Variants in DEPDC5 observed in about 807,000 individuals in gnomAD.
The protein encoded by DEPDC5 is DEP domain containing 5, GATOR1 subcomplex subunit.
Under a neutral mutation model 217.3 loss-of-function variants are expected in DEPDC5, and 73 were observed. The observed-to-expected ratio is 0.34, with a 90% CI of 0.28 to 0.41. The LOEUF is 0.41. Among genes scored for constraint, DEPDC5 ranks in the 10% least tolerant of loss-of-function variants. The probability of loss-of-function intolerance (pLI) is 1.00; values close to 1 mark genes in which losing one functional copy is unlikely to be tolerated. For missense variants in DEPDC5, 1,675 were observed against 2,070.1 expected (o/e 0.81, Z 3.70); for synonymous variants, 733 against 756.7 (o/e 0.97, Z 0.51).
At chr22:31,846,328 G>A (rs900360294) in intron 30 of DEPDC5, among the ~76,000 whole-genome samples, 2 of 152,094 alleles carry the variant, frequency 1.3e-5, no homozygotes, top group Admixed American at 6.6e-5. Flanking sequence ...TAATCACCAG[G>A]GAATGTTCCA....
rs76383435 is a variant in DEPDC5, at chr22:31,860,015, C to T, written c.3265-1353C>T. 3.3e-3 allele frequency among the ~76,000 whole-genome samples: 505 copies of T among 152,330 alleles called. 2 individuals are homozygous for T. The highest frequency in any genetic ancestry group is 0.012 in the African/African-American group (490 of 41,578). ...CATTGCCATCTTTGAGGGTCAGAAA[C>T]AGTGCTGAGGACATGACTGAAAAGC... On this transcript the variant is annotated intron_variant, in intron 32 of 42. Coordinates refer to ENST00000651528, the MANE Select transcript of DEPDC5 (RefSeq NM_001242896.3).
intron 18 of DEPDC5, among the ~76,000 whole-genome samples, chr22:31,806,766 G>A (rs570755536): frequency 2.0e-5 from 3 of 152,314 alleles, no homozygotes; most frequent in South Asian, 4.1e-4. Context: ...AGTGCTTTGG[G>A]TGGCTGAGGA....
At chr22:31,886,248 T>G (rs1329066057) in intron 38 of DEPDC5, among the ~76,000 whole-genome samples, 1 of 152,066 alleles carries the variant, frequency 6.6e-6, no homozygotes, top group Non-Finnish European at 1.5e-5. Context: ...GGTCATGAAC[T>G]CCTCGGCTCA....
Position 31,804,391 on chromosome 22 carries a change from A to G in DEPDC5, c.1143+168A>G, listed in dbSNP as rs2087241332. On this transcript the variant is annotated intron_variant, in intron 16 of 42. Transcript: ENST00000651528. ...GGTATAGTTTGCTATGAACATGCCT[A>G]TGAATAACCACTGCACTCCAGCCTG... Among the ~76,000 whole-genome samples, 4 of 152,304 alleles carry G rather than the reference A, an allele frequency of 2.6e-5. 1 individual carries two copies. In the South Asian group the frequency reaches 6.2e-4, roughly 24 times the overall value.
At chr22:31,791,725 G>A (rs918760696) in intron 10 of DEPDC5, among the ~76,000 whole-genome samples, 2 of 151,128 alleles carry the variant, frequency 1.3e-5, no homozygotes, top group African/African-American at 4.9e-5. Flanking sequence ...TCAGGAGATC[G>A]AGACCATCTT....
Position 31,893,737 on chromosome 22 carries a change from G to C in DEPDC5, c.4189G>C (p.Val1397Leu), listed in dbSNP as rs2093489246. Residue 1397 changes from valine to leucine, a missense_variant, in exon 39 of 43, where the codon GTA (valine) becomes CTA (leucine). This residue lies in a region of DEPDC5 where 182 missense variants were observed against 290.1 expected (regional missense o/e 0.63). Coordinates refer to ENST00000651528, the MANE Select transcript of DEPDC5 (RefSeq NM_001242896.3). ...GCACTGGATGGCGGTGACCGCAGCA[G>C]TACTCTTCGAGATGGTGAGAACCTT... Reference protein sequence around the residue: ...KLHWMAVTAAVLFEMVQGWHR... With the variant: ...KLHWMAVTAALLFEMVQGWHR... 3 of 1,607,048 alleles carry C rather than the reference G, an allele frequency of 1.9e-6. No individual in the cohort carries two copies. Among genetic ancestry groups the C allele is most frequent in the Non-Finnish European group, 2.5e-6 (3 of 1,177,232 alleles).
Position 31,879,856 on chromosome 22 carries a change from C to G in DEPDC5, c.4033+104C>G, listed in dbSNP as rs377594149. 8 of 1,126,192 alleles carry G rather than the reference C, an allele frequency of 7.1e-6. No individual in the cohort carries two copies. The African/African-American group carries it at 1.2e-4, about 17-fold the overall frequency. 69.8% of individuals were successfully genotyped at this position (1,126,192 alleles called of 1,614,324 possible). On this transcript the variant is annotated intron_variant, in intron 38 of 42. Transcript: ENST00000651528. ...ATGCCACATGAACCAGGATTAGAGT[C>G]GCTGAGGCCGTCACACAGGCCACTG...
At chr22:31,849,822 A>G (rs1057117840) in intron 31 of DEPDC5, among the ~76,000 whole-genome samples, 1 of 151,986 alleles carries the variant, frequency 6.6e-6, no homozygotes, top group Admixed American at 6.6e-5. Context: ...ATCAGATCTC[A>G]TGAGAACTCA....
At chr22:31,843,259 G>A (rs2091507334) in intron 28 of DEPDC5, 47 bp downstream of exon 28, 1 of 1,556,486 alleles carries the variant, frequency 6.4e-7, no homozygotes, top group East Asian at 2.2e-5. Flanking sequence ...CCTGAATTAT[G>A]GCCACATACT....
At chr22:31,760,082 T>TG (rs1023850631) in intron 3 of DEPDC5, among the ~76,000 whole-genome samples, 14 of 151,450 alleles carry the variant, frequency 9.2e-5, no homozygotes, top group Middle Eastern at 3.4e-3. Flanking sequence ...TTTTTTTTTT[T>TG]TGTGAGACGG....
intron 7 of DEPDC5, among the ~76,000 whole-genome samples, chr22:31,777,206 C>T (rs1383894824): frequency 6.6e-6 from 1 of 150,750 alleles, no homozygotes; most frequent in African/African-American, 2.4e-5. Flanking sequence ...GTGATTCACC[C>T]GCCTCAGCCT....
At chr22:31,901,128 A>G (rs923266682) in intron 40 of DEPDC5, among the ~76,000 whole-genome samples, 7 of 151,914 alleles carry the variant, frequency 4.6e-5, no homozygotes, top group African/African-American at 1.7e-4. Context: ...CTCTAATCCC[A>G]GCTACTCGGG....
At chr22:31,807,703 A>T (rs533928085) in intron 18 of DEPDC5, among the ~76,000 whole-genome samples, 1 of 152,300 alleles carries the variant, frequency 6.6e-6, no homozygotes, top group South Asian at 2.1e-4. Context: ...AAGTGCTGGG[A>T]TTATAGGCGT....
chr22:31,830,140 G>T (rs935019988), intron 24 of DEPDC5, among the ~76,000 whole-genome samples: 6 of 152,236 alleles, frequency 3.9e-5, no homozygotes, highest in African/African-American at 1.4e-4. Flanking sequence ...GTAGCCCAGA[G>T]AAGAGAAACC....
intron 34 of DEPDC5, among the ~76,000 whole-genome samples, chr22:31,872,857 C>T (rs2092885349): frequency 1.3e-5 from 2 of 152,000 alleles, no homozygotes; most frequent in East Asian, 1.9e-4. Flanking sequence ...CAGTTTCAAG[C>T]GATTCTCTTG....
At chr22:31,868,309 A>T (rs181663604) in intron 33 of DEPDC5, among the ~76,000 whole-genome samples, 1 of 152,232 alleles carries the variant, frequency 6.6e-6, no homozygotes, top group Admixed American at 6.5e-5. Flanking sequence ...AGTGGGTAGA[A>T]GCCAGGGATG....
At chr22:31,820,520 A>G (rs1025292541) in intron 22 of DEPDC5, among the ~76,000 whole-genome samples, 1 of 152,200 alleles carries the variant, frequency 6.6e-6, no homozygotes, top group African/African-American at 2.4e-5. Flanking sequence ...AGTGAGAAAT[A>G]GATCTGAATC....
intron 40 of DEPDC5, among the ~76,000 whole-genome samples, chr22:31,899,592 A>G (rs1416274755): frequency 1.3e-5 from 2 of 152,122 alleles, no homozygotes; most frequent in Admixed American, 6.6e-5. Flanking sequence ...GGATTTCACC[A>G]CGTTGGCCAG....
chr22:31,793,038 C>G lies in DEPDC5; in HGVS notation c.767+221C>G, dbSNP rs1341474653. On this transcript the variant is annotated intron_variant, in intron 12 of 42. Transcript: ENST00000651528. ...TGAGCTGAGATCACACCACTGCACACCAACCTGGGAGAGAGTGAGACCCTG... is the reference window on the plus strand; with the variant it reads ...TGAGCTGAGATCACACCACTGCACAGCAACCTGGGAGAGAGTGAGACCCTG... Among the ~76,000 whole-genome samples, 7 of 151,496 alleles carry G rather than the reference C, an allele frequency of 4.6e-5. No homozygotes were observed. In the South Asian group the frequency reaches 6.3e-4, roughly 14 times the overall value.
Sources: allele counts gnomAD v4.1 joint callset (sites outside exome capture counted in the v4.1 genomes callset), GRCh38; gene constraint gnomAD v4.1.1; regional missense constraint gnomAD v4.1.1; transcripts MANE v1.5; gene names NCBI Gene and HGNC (gene_info 2026-07-23, HGNC 2026-07-21).